MACROD2: variants seen among roughly 807,000 people sequenced by gnomAD.
MACROD2 encodes the protein ADP-ribose glycohydrolase MACROD2.
Under a neutral mutation model 70.4 loss-of-function variants are expected in MACROD2, and 36 were observed. The observed-to-expected ratio is 0.51, with a 90% CI of 0.39 to 0.68. The LOEUF (loss-of-function observed/expected upper bound fraction) is 0.68. MACROD2 is among the 30% of genes least tolerant of loss of function. MACROD2 has a pLI of 0.00. For missense variants in MACROD2, 496 were observed against 538.4 expected (o/e 0.92, Z 0.78); for synonymous variants, 172 against 178.8 (o/e 0.96, Z 0.30).
At chr20:14,920,136 G>A (rs2074143870) in intron 5 of MACROD2, among the ~76,000 whole-genome samples, 1 of 152,124 alleles carries the variant, frequency 6.6e-6, no homozygotes, top group Non-Finnish European at 1.5e-5. Context: ...GTTAACCCGC[G>A]CCTGGTTCCT....
At chr20:14,131,722 T>A (rs1257234812) in intron 3 of MACROD2, among the ~76,000 whole-genome samples, 1 of 152,174 alleles carries the variant, frequency 6.6e-6, no homozygotes, top group Non-Finnish European at 1.5e-5. Flanking sequence ...GTCCTTTGGC[T>A]TTTTTAATTT....
intron 5 of MACROD2, among the ~76,000 whole-genome samples, chr20:15,220,967 A>G (rs2076855458): frequency 6.6e-6 from 1 of 152,188 alleles, no homozygotes; most frequent in Non-Finnish European, 1.5e-5. Flanking sequence ...GTGTGGTGGC[A>G]CGGGAGTGGT....
intron 3 of MACROD2, among the ~76,000 whole-genome samples, chr20:14,155,341 T>G (rs2055086988): frequency 6.6e-6 from 1 of 152,230 alleles, no homozygotes; most frequent in African/African-American, 2.4e-5. Flanking sequence ...TCTTCCGAGA[T>G]TTCTACTTTT....
chr20:15,819,276 C>T (rs1163209360), intron 8 of MACROD2, among the ~76,000 whole-genome samples: 2 of 122,760 alleles, frequency 1.6e-5, no homozygotes, highest in Non-Finnish European at 3.4e-5. Flanking sequence ...AGAGAGATAT[C>T]AATATATATT....
chr20:14,034,500 C>T (rs1189762831), intron 2 of MACROD2, among the ~76,000 whole-genome samples: 1 of 152,184 alleles, frequency 6.6e-6, no homozygotes, highest in African/African-American at 2.4e-5. Context: ...TTCAAATTGA[C>T]AGACGTTTTT....
intron 3 of MACROD2, among the ~76,000 whole-genome samples, chr20:14,090,798 G>A (rs1398033779): frequency 1.3e-5 from 2 of 152,112 alleles, no homozygotes; most frequent in African/African-American, 4.8e-5. Flanking sequence ...CAGATCATAT[G>A]GCAGTTTTAT....
chr20:15,337,332 G>C (rs16995555), intron 6 of MACROD2, among the ~76,000 whole-genome samples: 2 of 151,424 alleles, frequency 1.3e-5, no homozygotes, highest in African/African-American at 4.9e-5. Flanking sequence ...AGGGCAAAAG[G>C]CTAGTAGGGC....
chr20:14,882,062 C>T (rs1462977377), intron 5 of MACROD2, among the ~76,000 whole-genome samples: 1 of 152,116 alleles, frequency 6.6e-6, no homozygotes, highest in African/African-American at 2.4e-5. Context: ...TGAACAAATC[C>T]CTACAGGAAC....
intron 5 of MACROD2, among the ~76,000 whole-genome samples, chr20:15,166,704 G>A (rs974867416): frequency 1.3e-5 from 2 of 151,210 alleles, no homozygotes; most frequent in Non-Finnish European, 2.9e-5. Flanking sequence ...CTAGATTAAG[G>A]GTATTTATTT....
At chr20:15,965,192 C>T (rs919094030) in intron 12 of MACROD2, among the ~76,000 whole-genome samples, 10 of 152,032 alleles carry the variant, frequency 6.6e-5, no homozygotes, top group Non-Finnish European at 1.0e-4. Context: ...GTATCTTGGA[C>T]GCAATGAAAT....
chr20:14,970,023 C>T (rs776416224), intron 5 of MACROD2, among the ~76,000 whole-genome samples: 13 of 152,064 alleles, frequency 8.5e-5, no homozygotes, highest in Admixed American at 3.9e-4. Context: ...TCCATTCTCA[C>T]GCTGCTATGA....
At chr20:15,944,610 T>C (rs1209277368) in intron 12 of MACROD2, among the ~76,000 whole-genome samples, 1 of 152,174 alleles carries the variant, frequency 6.6e-6, no homozygotes, top group Non-Finnish European at 1.5e-5. Flanking sequence ...AATTCCATAC[T>C]GACCAGAAAC....
chr20:15,076,813 T>A (rs1212006306), intron 5 of MACROD2, among the ~76,000 whole-genome samples: 1 of 152,142 alleles, frequency 6.6e-6, no homozygotes, highest in Non-Finnish European at 1.5e-5. Flanking sequence ...GCATTTAAAC[T>A]TTCATACGTA....
intron 4 of MACROD2, among the ~76,000 whole-genome samples, chr20:14,675,240 GAC>G (rs1462352770): frequency 6.6e-6 from 1 of 152,106 alleles, no homozygotes; most frequent in African/African-American, 2.4e-5. Context: ...GCAACCACAA[GAC>G]ACATAATCGT....
At chr20:15,716,606 G>A (rs1011281333) in intron 8 of MACROD2, among the ~76,000 whole-genome samples, 8 of 152,156 alleles carry the variant, frequency 5.3e-5, no homozygotes, top group African/African-American at 1.7e-4. Flanking sequence ...ATTTTACAGT[G>A]TTTTAAAAAA....
intron 5 of MACROD2, among the ~76,000 whole-genome samples, chr20:15,100,118 A>G (rs1334637492): frequency 6.6e-6 from 1 of 151,900 alleles, no homozygotes; most frequent in Non-Finnish European, 1.5e-5. Flanking sequence ...CTTTTTTTAA[A>G]TAGAGACAGG....
chr20:14,277,594 G>T (rs1199696789), intron 3 of MACROD2, among the ~76,000 whole-genome samples: 1 of 152,120 alleles, frequency 6.6e-6, no homozygotes, highest in Admixed American at 6.5e-5. Context: ...GTGGGCTGAA[G>T]ATCTTATATC....
intron 10 of MACROD2, among the ~76,000 whole-genome samples, chr20:15,927,264 T>C (rs1425571380): frequency 2.0e-5 from 3 of 152,060 alleles, no homozygotes; most frequent in Admixed American, 2.0e-4. Context: ...TCCCTTGACA[T>C]GTGTTTATGG....
chr20:15,257,914 C>A (rs536928028), intron 6 of MACROD2, among the ~76,000 whole-genome samples: 44 of 151,898 alleles, frequency 2.9e-4, no homozygotes, highest in African/African-American at 9.9e-4. Flanking sequence ...CGTGTTATTG[C>A]CCCTGAAGAC....
Sources: allele counts gnomAD v4.1 joint callset (sites outside exome capture counted in the v4.1 genomes callset), GRCh38; gene constraint gnomAD v4.1.1; transcripts MANE v1.5; gene names NCBI Gene and HGNC (gene_info 2026-07-23, HGNC 2026-07-21).